The following SAMTOR variants were observed in gnomAD, a reference collection of about 807,000 sequenced individuals.
SAMTOR encodes UPF0532 protein C7orf60.
At chr7:112,871,636 TAGC>T in the SAMTOR span, among the ~76,000 whole-genome samples, 4 of 152,182 alleles carry the variant, frequency 2.6e-5, no homozygotes, top group African/African-American at 7.2e-5. Context: ...ATTGCAATGC[TAGC>T]AGAAGAAAAA....
the SAMTOR span, among the ~76,000 whole-genome samples, chr7:112,932,409 T>C: frequency 6.6e-6 from 1 of 152,222 alleles, no homozygotes; most frequent in South Asian, 2.1e-4. Flanking sequence ...ATTAATCTAA[T>C]ATACTCAATT....
chr7:112,823,154 C>T, the SAMTOR span, among the ~76,000 whole-genome samples: 7 of 152,022 alleles, frequency 4.6e-5, no homozygotes, highest in South Asian at 2.1e-4. Flanking sequence ...ATATACAAGC[C>T]GGCCACATAG....
chr7:112,829,949 T>A, the SAMTOR span, among the ~76,000 whole-genome samples: 1 of 152,176 alleles, frequency 6.6e-6, no homozygotes, highest in African/African-American at 2.4e-5. Flanking sequence ...CTCATATACA[T>A]GTGTGCTGAT....
At chr7:112,929,769 T>C in the SAMTOR span, among the ~76,000 whole-genome samples, 1 of 152,068 alleles carries the variant, frequency 6.6e-6, no homozygotes, top group Non-Finnish European at 1.5e-5. Context: ...TTGGCAGTGA[T>C]GAAAATGTTC....
At chr7:112,919,661 C>T in the SAMTOR span, among the ~76,000 whole-genome samples, 1 of 151,956 alleles carries the variant, frequency 6.6e-6, no homozygotes, top group Non-Finnish European at 1.5e-5. Context: ...AATCCAGGAG[C>T]TGGTTTTTTG....
chr7:112,862,105 A>T, the SAMTOR span, among the ~76,000 whole-genome samples: 1 of 152,156 alleles, frequency 6.6e-6, no homozygotes, highest in African/African-American at 2.4e-5. Context: ...AAAATAAAAA[A>T]TTAGGTGGGC....
At chr7:112,869,018 G>C in the SAMTOR span, among the ~76,000 whole-genome samples, 3 of 152,252 alleles carry the variant, frequency 2.0e-5, no homozygotes, top group East Asian at 5.8e-4. Flanking sequence ...CAGTCCCCTG[G>C]AGATTTAACC....
the SAMTOR span, among the ~76,000 whole-genome samples, chr7:112,827,390 A>G: frequency 6.6e-6 from 1 of 152,146 alleles, no homozygotes; most frequent in South Asian, 2.1e-4. Context: ...AATTAACTAA[A>G]TTTTTTATGA....
the SAMTOR span, among the ~76,000 whole-genome samples, chr7:112,929,989 C>CA: frequency 1.3e-5 from 2 of 151,752 alleles, no homozygotes; most frequent in South Asian, 4.2e-4. Context: ...TCTAAAAAAG[C>CA]AAAAAAATAC....
At chr7:112,939,579 C>A in the SAMTOR span, 1 of 1,613,888 alleles carries the variant, frequency 6.2e-7, no homozygotes, top group Non-Finnish European at 8.5e-7. Context: ...CCTCACTCAG[C>A]GCGCTGTTTA....
the SAMTOR span, among the ~76,000 whole-genome samples, chr7:112,932,455 A>G: frequency 5.3e-5 from 8 of 152,234 alleles, no homozygotes; most frequent in Non-Finnish European, 1.2e-4. Context: ...AAACATGGGT[A>G]TCCACAAGTT....
chr7:112,904,900 G>T, the SAMTOR span, among the ~76,000 whole-genome samples: 1 of 152,132 alleles, frequency 6.6e-6, no homozygotes, highest in Admixed American at 6.5e-5. Flanking sequence ...TTTGGGAGGG[G>T]TGTTGGAGGG....
At chr7:112,886,346 C>T in the SAMTOR span, among the ~76,000 whole-genome samples, 1 of 152,100 alleles carries the variant, frequency 6.6e-6, no homozygotes, top group Admixed American at 6.5e-5. Context: ...ATTTATATTG[C>T]TAGAGATAAT....
the SAMTOR span, among the ~76,000 whole-genome samples, chr7:112,842,333 G>A: frequency 2.0e-5 from 3 of 152,016 alleles, no homozygotes; most frequent in East Asian, 1.9e-4. Context: ...TTTACTTCTG[G>A]TTCACCAAAT....
the SAMTOR span, chr7:112,832,534 A>T: frequency 7.9e-7 from 1 of 1,270,618 alleles, no homozygotes; most frequent in Non-Finnish European, 1.1e-6. Context: ...GTAAAATATT[A>T]AAGTCCAAAA....
the SAMTOR span, among the ~76,000 whole-genome samples, chr7:112,853,890 G>A: frequency 6.6e-6 from 1 of 152,024 alleles, no homozygotes; most frequent in Non-Finnish European, 1.5e-5. Flanking sequence ...TTTGAAGTAG[G>A]GGAATGAGAA....
chr7:112,865,496 T>G, the SAMTOR span, among the ~76,000 whole-genome samples: 1 of 151,968 alleles, frequency 6.6e-6, no homozygotes, highest in Non-Finnish European at 1.5e-5. Flanking sequence ...CAGGATGGTC[T>G]CAATCTCCTG....
the SAMTOR span, among the ~76,000 whole-genome samples, chr7:112,867,861 G>A: frequency 1.2e-4 from 18 of 152,308 alleles, no homozygotes; most frequent in East Asian, 2.3e-3. Context: ...GTATTGGTCC[G>A]TGGCCTGTTA....
At chr7:112,912,146 G>A in the SAMTOR span, among the ~76,000 whole-genome samples, 1 of 152,002 alleles carries the variant, frequency 6.6e-6, no homozygotes, top group East Asian at 1.9e-4. Flanking sequence ...TGATGACGGT[G>A]TTGTGGTTAT....
Sources: allele counts gnomAD v4.1 joint callset (sites outside exome capture counted in the v4.1 genomes callset), GRCh38; gene constraint gnomAD v4.1.1; transcripts MANE v1.5; gene names NCBI Gene and HGNC (gene_info 2026-07-23, HGNC 2026-07-21).